The following FAF1 variants were observed in gnomAD, a reference collection of about 807,000 sequenced individuals.
The protein encoded by FAF1 is FAS-associated factor 1.
A neutral mutation model predicts 92.5 loss-of-function variants in FAF1; 25 were observed. The ratio of observed to expected loss-of-function variants is 0.27; its 90% CI spans 0.20 to 0.38. The LOEUF (loss-of-function observed/expected upper bound fraction) is 0.38, where lower values mean the gene tolerates loss of function less well. Among genes scored for constraint, FAF1 ranks in the 10% least tolerant of loss-of-function variants. The pLI, the probability that FAF1 is intolerant of heterozygous loss-of-function variation, is 1.00. For missense variants in FAF1, 636 were observed against 793.3 expected, an observed-to-expected ratio of 0.80 and a Z score of 2.38; for synonymous variants, 234 against 273.2, an observed-to-expected ratio of 0.86 and a Z score of 1.42.
At chr1:50,843,676 C>T (rs984691649) in intron 2 of FAF1, among the ~76,000 whole-genome samples, 3 of 151,998 alleles carry the variant, frequency 2.0e-5, no homozygotes, top group Admixed American at 2.0e-4. Flanking sequence ...AATGTCCTCC[C>T]GTTCTACCCA....
intron 1 of FAF1, among the ~76,000 whole-genome samples, chr1:50,941,063 ACT>A (rs1645128775): frequency 6.7e-6 from 1 of 148,666 alleles, no homozygotes; most frequent in Admixed American, 6.8e-5. Context: ...ACACAGTCTC[ACT>A]CTGTCACTCA....
At chr1:50,616,306 C>T (rs961971697) in intron 8 of FAF1, among the ~76,000 whole-genome samples, 16 of 152,090 alleles carry the variant, frequency 1.1e-4, no homozygotes, top group Admixed American at 3.3e-4. Flanking sequence ...CTTAGTATTG[C>T]TTTGGGTATT....
intron 4 of FAF1, among the ~76,000 whole-genome samples, chr1:50,758,954 T>G (rs1047009374): frequency 3.3e-5 from 5 of 152,046 alleles, no homozygotes; most frequent in Non-Finnish European, 5.9e-5. Flanking sequence ...ACCATTCTCC[T>G]GCCTCAGCCT....
intron 8 of FAF1, among the ~76,000 whole-genome samples, chr1:50,632,487 C>A (rs967418015): frequency 3.3e-5 from 5 of 152,298 alleles, no homozygotes; most frequent in Non-Finnish European, 4.4e-5. Context: ...ATTGGGAACA[C>A]ATCTATTCTT....
At chr1:50,712,482 CCT>C (rs1657974870) in intron 6 of FAF1, among the ~76,000 whole-genome samples, 1 of 151,940 alleles carries the variant, frequency 6.6e-6, no homozygotes, top group African/African-American at 2.4e-5. Flanking sequence ...ATGGTGAAAC[CCT>C]GTTACTACTA....
At chr1:50,777,561 T>A (rs1454503214) in intron 4 of FAF1, among the ~76,000 whole-genome samples, 3 of 151,392 alleles carry the variant, frequency 2.0e-5, no homozygotes, top group African/African-American at 2.4e-5. Context: ...TGGAAAAAAA[T>A]GAAAAAACAC....
intron 4 of FAF1, among the ~76,000 whole-genome samples, chr1:50,763,249 C>T (rs1004646031): frequency 6.6e-6 from 1 of 152,068 alleles, no homozygotes; most frequent in African/African-American, 2.4e-5. Flanking sequence ...CAGAGTTAGG[C>T]TCCATCTCAA....
At chr1:50,959,557 C>T (rs1377660305) in intron 1 of FAF1, 1 of 366,014 alleles carries the variant, frequency 2.7e-6, no homozygotes. Context: ...TCCCATTCAA[C>T]CCGTACTTAA....
chr1:50,596,360 G>A, intron 8 of FAF1, 144 bp from the exon 9 acceptor site: 1 of 616,858 alleles, frequency 1.6e-6, no homozygotes. Flanking sequence ...TACCAGGAAG[G>A]CTTTGAAAAT....
chr1:50,906,253 C>A (rs1644837306), intron 1 of FAF1, among the ~76,000 whole-genome samples: 1 of 152,112 alleles, frequency 6.6e-6, no homozygotes, highest in African/African-American at 2.4e-5. Context: ...TGTTTTGGTA[C>A]CAGTACCATG....
At chr1:50,531,251 G>C (rs3789579) in intron 15 of FAF1, among the ~76,000 whole-genome samples, 1,540 of 152,206 alleles carry the variant, frequency 0.01, 39 homozygotes, top group East Asian at 0.014. Context: ...CTATTGTTCA[G>C]ATACAAGTTA....
intron 1 of FAF1, among the ~76,000 whole-genome samples, chr1:50,929,217 T>G (rs1030538539): frequency 3.9e-5 from 6 of 152,090 alleles, no homozygotes; most frequent in African/African-American, 1.4e-4. Context: ...CCACAATATT[T>G]AATAGAGTTT....
intron 2 of FAF1, among the ~76,000 whole-genome samples, chr1:50,854,608 G>C (rs769776461): frequency 3.3e-4 from 50 of 151,936 alleles, no homozygotes; most frequent in Non-Finnish European, 6.9e-4. Context: ...GTGGAGCCAA[G>C]TGTAGAGTAC....
chr1:50,951,208 T>C (rs1292627741), intron 1 of FAF1, among the ~76,000 whole-genome samples: 4 of 152,236 alleles, frequency 2.6e-5, no homozygotes, highest in Non-Finnish European at 5.9e-5. Flanking sequence ...CACTCCAGCC[T>C]GGGTGGCCGA....
At chr1:50,836,951 CTTTT>C (rs528322924) in intron 2 of FAF1, among the ~76,000 whole-genome samples, 1 of 76,706 alleles carries the variant, frequency 1.3e-5, no homozygotes, top group African/African-American at 5.2e-5. Flanking sequence ...TGTTATGTTT[CTTTT>C]TTTTTTTTTT....
intron 18 of FAF1, among the ~76,000 whole-genome samples, chr1:50,455,620 T>G (rs1646341505): frequency 6.6e-6 from 1 of 152,132 alleles, no homozygotes; most frequent in Admixed American, 6.5e-5. Context: ...CAGAATCACA[T>G]AATATCAGAG....
chr1:50,510,375 CTG>C (rs1647118964), intron 15 of FAF1, among the ~76,000 whole-genome samples: 1 of 151,986 alleles, frequency 6.6e-6, no homozygotes, highest in Non-Finnish European at 1.5e-5. Flanking sequence ...CCCCTAAGGA[CTG>C]TTTAGGGAGG....
At chr1:50,688,550 C>T (rs1312831229) in intron 7 of FAF1, among the ~76,000 whole-genome samples, 10 of 152,186 alleles carry the variant, frequency 6.6e-5, no homozygotes, top group African/African-American at 1.2e-4. Context: ...CGGTGGCTCA[C>T]GCCTGTAATC....
chr1:50,941,460 A>G (rs1645132468), intron 1 of FAF1, among the ~76,000 whole-genome samples: 1 of 152,010 alleles, frequency 6.6e-6, no homozygotes, highest in Admixed American at 6.6e-5. Context: ...CAAGTGATCC[A>G]CCCATCTCAG....
Sources: gnomAD v4.1 joint callset for allele counts (sites outside exome capture counted in the v4.1 genomes callset) on GRCh38, gnomAD v4.1.1 for gene constraint, MANE v1.5 for transcripts, NCBI Gene and HGNC (gene_info 2026-07-23, HGNC 2026-07-21) for gene names.